The following L3MBTL4 variants were observed in gnomAD, a reference collection of about 807,000 sequenced individuals.
The protein encoded by L3MBTL4 is L3MBTL histone methyl-lysine binding protein 4.
A neutral mutation model predicts 84.5 loss-of-function variants in L3MBTL4; 70 were observed. The ratio of observed to expected loss-of-function variants is 0.83; its 90% CI spans 0.68 to 1.01. The LOEUF is 1.01. Among genes scored for constraint, L3MBTL4 ranks in the 50% least tolerant of loss-of-function variants. The pLI is 0.00. For synonymous variants in L3MBTL4, 274 were observed against 259.8 expected (o/e 1.05, Z -0.52); for missense variants, 715 against 754.8 (o/e 0.95, Z 0.62).
chr18:6,126,953 C>T (rs565537449), intron 14 of L3MBTL4, among the ~76,000 whole-genome samples: 1 of 152,254 alleles, frequency 6.6e-6, no homozygotes, highest in South Asian at 2.1e-4. Context: ...AAATGACAGA[C>T]CAAGTGACAA....
At chr18:6,186,797 C>A (rs1599062491) in intron 12 of L3MBTL4, among the ~76,000 whole-genome samples, 1 of 152,170 alleles carries the variant, frequency 6.6e-6, no homozygotes, top group Non-Finnish European at 1.5e-5. Flanking sequence ...GTGATGGCTT[C>A]CCAAGTGCTC....
At chr18:6,382,072 T>C (rs1049961328) in intron 1 of L3MBTL4, among the ~76,000 whole-genome samples, 9 of 152,228 alleles carry the variant, frequency 5.9e-5, no homozygotes, top group African/African-American at 1.9e-4. Flanking sequence ...ACATTTTATT[T>C]CATTAAGTTG....
chr18:6,357,901 G>A (rs1197704438), intron 1 of L3MBTL4, among the ~76,000 whole-genome samples: 1 of 152,172 alleles, frequency 6.6e-6, no homozygotes, highest in African/African-American at 2.4e-5. Context: ...AGTTCAGAAC[G>A]TAATCTCATT....
At chr18:6,305,797 C>A in intron 3 of L3MBTL4, among the ~76,000 whole-genome samples, 1 of 152,154 alleles carries the variant, frequency 6.6e-6, no homozygotes. Context: ...TGGCACTGGA[C>A]GCATCACATG....
At chr18:6,084,750 T>C (rs1478887430) in intron 15 of L3MBTL4, among the ~76,000 whole-genome samples, 1 of 152,174 alleles carries the variant, frequency 6.6e-6, no homozygotes, top group Non-Finnish European at 1.5e-5. Flanking sequence ...ACAGAGGATG[T>C]GCTATTGGAT....
chr18:6,275,658 T>G (rs781333937), intron 4 of L3MBTL4, among the ~76,000 whole-genome samples: 1 of 152,200 alleles, frequency 6.6e-6, no homozygotes, highest in Non-Finnish European at 1.5e-5. Flanking sequence ...TACCTTCACA[T>G]GTGGCAAACT....
At chr18:6,390,330 C>T (rs1288659496) in intron 1 of L3MBTL4, among the ~76,000 whole-genome samples, 1 of 152,052 alleles carries the variant, frequency 6.6e-6, no homozygotes, top group Non-Finnish European at 1.5e-5. Context: ...ACAGTGAAAG[C>T]AATGCTAAGG....
At chr18:5,988,907 C>G (rs1383932397) in intron 16 of L3MBTL4, among the ~76,000 whole-genome samples, 4 of 152,196 alleles carry the variant, frequency 2.6e-5, no homozygotes, top group Non-Finnish European at 5.9e-5. Context: ...GTCCTTACCA[C>G]CAGTTCATTC....
At chr18:6,181,310 T>C (rs374972085) in intron 12 of L3MBTL4, among the ~76,000 whole-genome samples, 3 of 152,036 alleles carry the variant, frequency 2.0e-5, no homozygotes, top group Non-Finnish European at 4.4e-5. Flanking sequence ...TAGTACCTGA[T>C]AGGTAGTTTT....
intron 16 of L3MBTL4, among the ~76,000 whole-genome samples, chr18:6,074,624 G>A (rs181364984): frequency 1.3e-5 from 2 of 152,328 alleles, no homozygotes; most frequent in East Asian, 3.9e-4. Flanking sequence ...AATGAAGCCT[G>A]ACTATGTTGT....
chr18:6,119,000 T>A (rs1354753042), intron 14 of L3MBTL4, among the ~76,000 whole-genome samples: 2 of 143,342 alleles, frequency 1.4e-5, no homozygotes. Flanking sequence ...TTTCTTTTTT[T>A]TTTTTTTTTT....
rs562059306 is a variant in L3MBTL4 at position 6,262,437 on chromosome 18, C to G, written c.219+1510G>C. ...ATCCCTTACCTTACTGAGCTTGCACCTTTTGATGGAAGAAACCCCCTAAGT... is the reference window on the plus strand; with the variant it reads ...ATCCCTTACCTTACTGAGCTTGCACGTTTTGATGGAAGAAACCCCCTAAGT... On this transcript the variant is annotated intron_variant, in intron 5 of 18. Transcript: ENST00000317931. Among the ~76,000 whole-genome samples, 23 of 152,308 alleles carry G rather than the reference C, an allele frequency of 1.5e-4. No homozygotes were observed. In the South Asian group the frequency reaches 4.8e-3, roughly 32 times the overall value.
intron 14 of L3MBTL4, among the ~76,000 whole-genome samples, chr18:6,110,431 C>T (rs1243276187): frequency 6.6e-6 from 1 of 151,546 alleles, no homozygotes; most frequent in Non-Finnish European, 1.5e-5. Context: ...GTGTGTGTAT[C>T]CACATGTATA....
intron 16 of L3MBTL4, among the ~76,000 whole-genome samples, chr18:6,003,573 G>A (rs969747608): frequency 2.0e-4 from 31 of 151,920 alleles, no homozygotes; most frequent in African/African-American, 7.0e-4. Context: ...GGCATAAACA[G>A]GACACTTTAA....
intron 16 of L3MBTL4, among the ~76,000 whole-genome samples, chr18:6,060,737 T>C (rs2057186188): frequency 6.6e-6 from 1 of 152,198 alleles, no homozygotes; most frequent in East Asian, 1.9e-4. Context: ...TATTCAAGTA[T>C]ATTGCATAGG....
intron 14 of L3MBTL4, among the ~76,000 whole-genome samples, chr18:6,124,376 A>G (rs929172082): frequency 1.3e-5 from 2 of 150,478 alleles, no homozygotes; most frequent in African/African-American, 4.9e-5. Flanking sequence ...AATTTAATGA[A>G]AAAAACTATA....
intron 17 of L3MBTL4, among the ~76,000 whole-genome samples, chr18:5,967,809 G>A (rs1350531452): frequency 6.6e-6 from 1 of 152,254 alleles, no homozygotes; most frequent in African/African-American, 2.4e-5. Context: ...GGCCGGGGCA[G>A]CAGGACTCCC....
intron 12 of L3MBTL4, among the ~76,000 whole-genome samples, 157 bp from the exon 13 acceptor site, chr18:6,172,099 C>G (rs1005736347): frequency 1.4e-4 from 21 of 152,174 alleles, no homozygotes; most frequent in African/African-American, 5.1e-4. Flanking sequence ...ATTCTATAGC[C>G]TTCTAATCCA....
intron 12 of L3MBTL4, among the ~76,000 whole-genome samples, chr18:6,211,090 C>G (rs1324886781): frequency 2.0e-5 from 3 of 152,182 alleles, no homozygotes; most frequent in African/African-American, 7.2e-5. Flanking sequence ...TGTTGAGTAA[C>G]TTCACCAAGT....
Sources: allele counts gnomAD v4.1 joint callset (sites outside exome capture counted in the v4.1 genomes callset), GRCh38; gene constraint gnomAD v4.1.1; transcripts MANE v1.5; gene names NCBI Gene and HGNC (gene_info 2026-07-23, HGNC 2026-07-21).